Variants in DPF3 observed in about 807,000 individuals in gnomAD.
DPF3 encodes double PHD fingers 3.
In DPF3, 18 loss-of-function variants were observed where a neutral mutation model predicts 56.8. That is an observed-to-expected ratio of 0.32 (90% CI 0.22 to 0.47). The LOEUF is 0.47. Ranked by LOEUF, DPF3 falls within the 20% of genes least tolerant of loss-of-function variation. The pLI is 1.00. For missense variants in DPF3, 403 were observed against 488.8 expected (o/e 0.82, Z 1.65); for synonymous variants, 188 against 180.2 (o/e 1.04, Z -0.35).
At chr14:72,736,277 G>A (rs1889891296) in intron 3 of DPF3, among the ~76,000 whole-genome samples, 1 of 152,130 alleles carries the variant, frequency 6.6e-6, no homozygotes, top group Non-Finnish European at 1.5e-5. Flanking sequence ...TCAAAGTCTG[G>A]TGGGTATTTT....
At chr14:72,846,371 T>A (rs1249211457) in intron 1 of DPF3, among the ~76,000 whole-genome samples, 1 of 141,184 alleles carries the variant, frequency 7.1e-6, no homozygotes, top group African/African-American at 2.6e-5. Flanking sequence ...AGTCTCACTC[T>A]GTCGCCCAGG....
intron 5 of DPF3, among the ~76,000 whole-genome samples, chr14:72,714,727 G>A (rs1426936019): frequency 2.6e-5 from 4 of 152,136 alleles, no homozygotes; most frequent in Admixed American, 2.0e-4. Context: ...AACTCCAAGA[G>A]GTGGTTTCTA....
intron 2 of DPF3, among the ~76,000 whole-genome samples, chr14:72,770,184 C>CA (rs1229693318): frequency 4.7e-5 from 7 of 149,820 alleles, no homozygotes; most frequent in Admixed American, 2.0e-4. Flanking sequence ...TTGTTCTTAC[C>CA]AAAAAAAAAT....
Position 72,610,670 on chromosome 14 carries a change from G to A in DPF3, c.*8627C>T, listed in dbSNP as rs1272932356. 6.6e-6 allele frequency among the ~76,000 whole-genome samples: 1 copy of A among 152,174 alleles called. No homozygotes were observed. The highest frequency in any genetic ancestry group is 1.5e-5 in the Non-Finnish European group (1 of 68,042). On this transcript the variant is annotated 3_prime_UTR_variant, in exon 11 of 11. Coordinates refer to ENST00000556509, the MANE Select transcript of DPF3 (RefSeq NM_001280542.3). ...CAGCACAGCATCAGGCCAGGAAGGCGCCTGATGAGACCGTGTTCTCAGCCT... is the reference window on the plus strand; with the variant it reads ...CAGCACAGCATCAGGCCAGGAAGGCACCTGATGAGACCGTGTTCTCAGCCT...
chr14:72,849,882 C>G (rs1393827003), intron 1 of DPF3, among the ~76,000 whole-genome samples: 2 of 152,092 alleles, frequency 1.3e-5, no homozygotes, highest in African/African-American at 4.8e-5. Flanking sequence ...ATTTGGGAGG[C>G]CAACCTGGGT....
intron 6 of DPF3, among the ~76,000 whole-genome samples, chr14:72,708,570 T>C (rs59724673): frequency 0.077 from 11,732 of 152,264 alleles, 484 homozygotes; most frequent in South Asian, 0.15. Context: ...CCTTAAAGAA[T>C]ATGTGCCTTA....
chr14:72,720,664 C>T (rs911856046), intron 5 of DPF3, among the ~76,000 whole-genome samples: 1 of 152,226 alleles, frequency 6.6e-6, no homozygotes, highest in Non-Finnish European at 1.5e-5. Context: ...TAATCATTGG[C>T]TATATGCTGG....
intron 7 of DPF3, among the ~76,000 whole-genome samples, chr14:72,674,595 C>CTGTGTTGT (rs1402108836): frequency 6.6e-6 from 1 of 152,212 alleles, no homozygotes; most frequent in Non-Finnish European, 1.5e-5. Flanking sequence ...TTCCCCAGCT[C>CTGTGTTGT]TGTGTTGTTG....
chr14:72,782,324 A>T (rs1383814046), intron 1 of DPF3, among the ~76,000 whole-genome samples: 2 of 151,804 alleles, frequency 1.3e-5, no homozygotes, highest in Non-Finnish European at 2.9e-5. Context: ...CCCAGATTCA[A>T]GCAATCCTCC....
rs771327679 is a variant in DPF3, at chr14:72,771,912, G to A, written c.33-19C>T. On this transcript the variant is annotated intron_variant, in intron 1 of 10. Transcript: ENST00000556509. The stretch of plus-strand genomic sequence containing the variant: ...CCCGAGCCTGCCAGAGTCAGAGAGT[G>A]AAGGGGTGAGGCCAGGGAAGACTGA... 31 of 1,553,178 alleles carry A rather than the reference G, an allele frequency of 2.0e-5. No homozygotes were observed. Among genetic ancestry groups the A allele is most frequent in the Non-Finnish European group, 2.6e-5 (30 of 1,151,264 alleles).
rs528944196 is a variant in DPF3, at chr14:72,661,307, G to A, written c.871+12933C>T. 42 of 985,388 alleles carry A rather than the reference G, an allele frequency of 4.3e-5. No individual in the cohort carries two copies. In the Admixed American group the frequency reaches 2.4e-3, roughly 56 times the overall value. The allele number at this position is 985,388 out of a possible 1,614,324, so 61.0% of individuals were successfully genotyped here. A position where few individuals can be genotyped will look rare whatever the true frequency, so the allele number is the denominator to read the frequency against. ...AGGACTGGCTTTGAACAGGAAACCT[G>A]AAAGGACTGGCAGGAAGTCGGTGCC... is the stretch of plus-strand genomic sequence containing the variant. On this transcript the variant is annotated intron_variant, in intron 8 of 10. Coordinates refer to ENST00000556509, the MANE Select transcript of DPF3 (RefSeq NM_001280542.3).
At chr14:72,723,493 C>A (rs10151620) in intron 5 of DPF3, 140 bp downstream of exon 5, 6 of 748,120 alleles carry the variant, frequency 8.0e-6, no homozygotes, top group Non-Finnish European at 1.3e-5. Context: ...GATCAGAGCT[C>A]TTCTGGAGTT....
rs947451241 is a variant in DPF3 at position 72,613,800 on chromosome 14, T to C, written c.*5497A>G. On this transcript the variant is annotated 3_prime_UTR_variant, in exon 11 of 11. Transcript: ENST00000556509. ...CAGCTCTTCCTTTGGGCCTCTCTTCTAGCTGCCTGGGCTGCGCACATGGAG... is the reference window on the plus strand; with the variant it reads ...CAGCTCTTCCTTTGGGCCTCTCTTCCAGCTGCCTGGGCTGCGCACATGGAG... Among the ~76,000 whole-genome samples the C allele has an allele frequency of 6.6e-6, 1 of 152,200 alleles. No homozygotes were observed. The highest frequency in any genetic ancestry group is 1.5e-5 in the Non-Finnish European group (1 of 68,024).
intron 1 of DPF3, among the ~76,000 whole-genome samples, chr14:72,838,905 A>ATATATATATATTTT: frequency 7.8e-5 from 5 of 64,480 alleles, no homozygotes; most frequent in Admixed American, 1.9e-4. Flanking sequence ...TATCATATAT[A>ATATATATATATTTT]TTCTTTTTTT....
intron 8 of DPF3, chr14:72,662,111 C>A: frequency 2.0e-6 from 2 of 985,116 alleles, no homozygotes; most frequent in Non-Finnish European, 2.4e-6. Flanking sequence ...AACACACAAT[C>A]ATTTAACATC....
chr14:72,875,406 C>CA (rs113143178), intron 1 of DPF3, among the ~76,000 whole-genome samples: 5 of 151,958 alleles, frequency 3.3e-5, no homozygotes, highest in Admixed American at 2.0e-4. Context: ...GACCCTGTCT[C>CA]AAAAAAAGGA....
intron 3 of DPF3, among the ~76,000 whole-genome samples, chr14:72,745,391 TTAAC>T (rs1222221308): frequency 3.9e-5 from 6 of 152,252 alleles, no homozygotes; most frequent in South Asian, 2.1e-4. Context: ...TACTATATAT[TTAAC>T]TAGTCCTCAT....
intron 1 of DPF3, among the ~76,000 whole-genome samples, chr14:72,887,196 C>CACAA (rs1886584450): frequency 7.5e-6 from 1 of 133,684 alleles, no homozygotes; most frequent in Non-Finnish European, 1.7e-5. Context: ...CACACACACA[C>CACAA]AAAAGGAAGC....
At chr14:72,709,697 C>A (rs1219776475) in intron 6 of DPF3, among the ~76,000 whole-genome samples, 1 of 152,012 alleles carries the variant, frequency 6.6e-6, no homozygotes, top group Admixed American at 6.5e-5. Context: ...GATCATATCC[C>A]ACTGTTCGCA....
Sources: gnomAD v4.1 joint callset for allele counts (sites outside exome capture counted in the v4.1 genomes callset) on GRCh38, gnomAD v4.1.1 for gene constraint, MANE v1.5 for transcripts, NCBI Gene and HGNC (gene_info 2026-07-23, HGNC 2026-07-21) for gene names.